Variants in CYGB observed in about 807,000 individuals in gnomAD.
CYGB encodes histoglobin.
Under a neutral mutation model 20.7 loss-of-function variants are expected in CYGB, and 13 were observed. That is an observed-to-expected ratio of 0.63 (90% confidence interval 0.41 to 1.00). The LOEUF is 1.00. CYGB is among the 50% of genes least tolerant of loss of function. CYGB has a pLI of 0.00. For missense variants in CYGB, 218 were observed against 257.2 expected, an observed-to-expected ratio of 0.85 and a Z score of 1.04; for synonymous variants, 93 against 107.4, an observed-to-expected ratio of 0.87 and a Z score of 0.83.
At chr17:76,542,698 G>T, upstream of CYGB, 3 of 1,013,660 alleles carry the variant, frequency 3.0e-6, no homozygotes, top group Middle Eastern at 4.6e-4. Context: ...GAAGCAACAG[G>T]CAAGTCCCGG....
At chr17:76,545,620 C>A (rs1435403651) in intron 1 of CYGB, 2 of 333,646 alleles carry the variant, frequency 6.0e-6, no homozygotes, top group Non-Finnish European at 1.2e-5. Context: ...CCAGCACATC[C>A]TACCTCTGTG....
At position 76,531,178 on chromosome 17, in the gene CYGB, G is replaced by A. The variant is rs370736433; in HGVS notation, c.376-36C>T. 2,055 of 1,595,808 alleles carry A rather than the reference G, an allele frequency of 1.3e-3. 30 individuals carry two copies. The South Asian group carries it at 0.017, about 13-fold the overall frequency. On this transcript the variant is annotated intron_variant, in intron 2 of 3. Transcript: ENST00000293230. This position sits in a 1 kb window ranked among gnomAD's most constrained non-coding sequence, Gnocchi z 7.4. ...AGGGAGGAAGGGGGAGTGAACGCCC[G>A]GGCGCCCTGCGTCCTGCAACCCCCA...
intron 1 of CYGB, chr17:76,542,769 C>T (rs1009289543): frequency 3.1e-5 from 21 of 680,062 alleles, no homozygotes; most frequent in East Asian, 8.1e-5. Context: ...TCAAAGTAGG[C>T]GGATGGACTC....
Position 76,528,771 on chromosome 17 carries a change from G to T in CYGB, c.540-160C>A. On this transcript the variant is annotated intron_variant, in intron 3 of 3. Transcript: ENST00000293230. This position sits in a 1 kb window ranked among gnomAD's most constrained non-coding sequence, Gnocchi z 5.8. The stretch of plus-strand genomic sequence containing the variant: ...CCGTGAGACCCAAGTTCTAGTCTCC[G>T]TCCTGCTACGAACGTGCTGTGTGAT... 1 of 999,310 alleles carries T rather than the reference G, an allele frequency of 1.0e-6. No homozygotes were observed. Among genetic ancestry groups the T allele is most frequent in the Non-Finnish European group, 1.3e-6 (1 of 768,962 alleles). 61.9% of individuals were successfully genotyped at this position (999,310 alleles called of 1,614,324 possible).
upstream of CYGB, chr17:76,537,859 G>A: frequency 6.6e-6 from 1 of 151,718 alleles, no homozygotes; most frequent in Admixed American, 6.6e-5. Context: ...TGCCGGCAAG[G>A]TGAAGGCTGC....
At chr17:76,534,178 T>TCTCTCTCTCTC (rs1567907880) in intron 1 of CYGB, among the ~76,000 whole-genome samples, 2 of 64,020 alleles carry the variant, frequency 3.1e-5, no homozygotes, top group Admixed American at 2.0e-4. Context: ...CTCTCTCTCT[T>TCTCTCTCTCTC]TCTTTCTTTC....
upstream of CYGB, chr17:76,540,289 G>A (rs990873381): frequency 6.8e-7 from 1 of 1,462,436 alleles, no homozygotes; most frequent in African/African-American, 1.4e-5. The surrounding 1 kb of genome is among the most constrained non-coding windows in gnomAD (Gnocchi z 5.0). Context: ...CCACCAAGCT[G>A]AAGGTGGGCA....
At chr17:76,537,337 C>T (rs1170084169) in intron 1 of CYGB, 63 bp downstream of exon 1, 8 of 1,491,110 alleles carry the variant, frequency 5.4e-6, no homozygotes, top group Non-Finnish European at 6.2e-6. Context: ...GCCCAGCCCT[C>T]CTCTGCCCGG....
chr17:76,529,686 G>C (rs1240230728), intron 3 of CYGB: 1 of 985,308 alleles, frequency 1.0e-6, no homozygotes, highest in Non-Finnish European at 1.2e-6. Flanking sequence ...CTCTTCCCCT[G>C]TCTTTTCCCT....
chr17:76,535,730 A>G (rs987862373), intron 1 of CYGB, among the ~76,000 whole-genome samples: 1 of 152,210 alleles, frequency 6.6e-6, no homozygotes, highest in Non-Finnish European at 1.5e-5. Flanking sequence ...CTGCCCAGAC[A>G]TGGCCCTGGC....
At chr17:76,540,250 T>TTG (rs774019278), upstream of CYGB, 3 of 467,222 alleles carry the variant, frequency 6.4e-6, no homozygotes, top group Non-Finnish European at 1.1e-5. This position sits in a 1 kb window ranked among gnomAD's most constrained non-coding sequence, Gnocchi z 5.0. Context: ...TGGCGGTTGG[T>TTG]CGGGGGGGGG....
chr17:76,534,368 G>A (rs576428458), intron 1 of CYGB, among the ~76,000 whole-genome samples: 6 of 152,206 alleles, frequency 3.9e-5, no homozygotes, highest in African/African-American at 1.4e-4. Context: ...TAGTAGAGAC[G>A]GGGTTTCGCC....
intron 1 of CYGB, among the ~76,000 whole-genome samples, chr17:76,548,210 T>G (rs562405975): frequency 4.6e-5 from 7 of 151,460 alleles, no homozygotes; most frequent in African/African-American, 1.7e-4. Context: ...CATACAGACA[T>G]ATACACTTAT....
At position 76,546,212 on chromosome 17, in the gene CYGB, G is replaced by A. The variant is rs2075051585; in HGVS notation, c.-53+4650C>T. 1 of 152,422 alleles carries A rather than the reference G, an allele frequency of 6.6e-6. No homozygotes were observed. Among genetic ancestry groups the A allele is most frequent in the Admixed American group, 6.6e-5 (1 of 15,264 alleles). The allele number at this position is 152,422 out of a possible 1,614,324, so 9.4% of individuals were successfully genotyped here. A position where few individuals can be genotyped will look rare whatever the true frequency, so the allele number is the denominator to read the frequency against. On this transcript the variant is annotated intron_variant, in intron 1 of 3. Coordinates refer to the CYGB transcript ENST00000589145. The surrounding 1 kb of genome is among the most constrained non-coding windows in gnomAD (Gnocchi z 4.5). ...GAAAGGCTGCTTGGAGCTGCAGGGC[G>A]GCTGAGGGCAGCAACCAGGAGCAGG...
intron 1 of CYGB, chr17:76,547,209 C>T (rs1489006760): frequency 6.6e-6 from 1 of 152,254 alleles, no homozygotes; most frequent in Non-Finnish European, 1.5e-5. Flanking sequence ...ACCCCTCAGT[C>T]TTCCTCAGGA....
rs1230111408 is a variant in CYGB at position 76,529,729 on chromosome 17, G to A, written c.540-1118C>T. 4.1e-6 allele frequency: 4 copies of A among 985,244 alleles called. No individual in the cohort carries two copies. In the East Asian group the frequency reaches 3.4e-4, roughly 84 times the overall value. The allele number at this position is 985,244 out of a possible 1,614,324, so 61.0% of individuals were successfully genotyped here. On this transcript the variant is annotated intron_variant, in intron 3 of 3. Coordinates refer to ENST00000293230, the MANE Select transcript of CYGB (RefSeq NM_134268.5). ...CTGGGTGACAGCTGGTGGGGGGTGA[G>A]GGGGCAACCACTGCTCTCCACGCCC...
At chr17:76,534,171 TCTC>T (rs1157025051) in intron 1 of CYGB, among the ~76,000 whole-genome samples, 52 of 148,884 alleles carry the variant, frequency 3.5e-4, no homozygotes, top group African/African-American at 1.3e-3. Flanking sequence ...TCTCTCTCTC[TCTC>T]TCTTTCTTTC....
chr17:76,531,265 G>T lies in CYGB; in HGVS notation c.376-123C>A. ...CCTAACGCAACAGTCTGGCAGCTTT[G>T]GGAACCCCGTGCTCTCAGGACAAGG... On this transcript the variant is annotated intron_variant, in intron 2 of 3. Transcript: ENST00000293230. The surrounding 1 kb of genome is among the most constrained non-coding windows in gnomAD (Gnocchi z 7.4). 7.9e-7 allele frequency: 1 copy of T among 1,257,922 alleles called. No homozygotes were observed. The highest frequency in any genetic ancestry group is 1.1e-6 in the Non-Finnish European group (1 of 908,470). 77.9% of individuals were successfully genotyped at this position (1,257,922 alleles called of 1,614,324 possible).
chr17:76,540,757 G>T (rs1012078470), upstream of CYGB, among the ~76,000 whole-genome samples: 7 of 152,242 alleles, frequency 4.6e-5, no homozygotes, highest in African/African-American at 1.7e-4. The surrounding 1 kb of genome is among the most constrained non-coding windows in gnomAD (Gnocchi z 5.0). Context: ...TCTGCGGTTG[G>T]GAATGGGAAC....
Sources: allele counts gnomAD v4.1 joint callset (sites outside exome capture counted in the v4.1 genomes callset), GRCh38; gene constraint gnomAD v4.1.1; non-coding constraint Gnocchi (gnomAD v3.1); transcripts MANE v1.5; gene names NCBI Gene and HGNC (gene_info 2026-07-23, HGNC 2026-07-21).